The following SPSB3 variants were observed in gnomAD, a reference collection of about 807,000 sequenced individuals.
SPSB3 encodes the protein splA/ryanodine receptor domain and SOCS box containing 3.
A neutral mutation model predicts 29.5 loss-of-function variants in SPSB3; 18 were observed. The ratio of observed to expected loss-of-function variants is 0.61; its 90% CI spans 0.42 to 0.91. The LOEUF is 0.91. Among genes scored for constraint, SPSB3 ranks in the 40% least tolerant of loss-of-function variants. SPSB3 has a pLI of 0.00. For synonymous variants in SPSB3, 299 were observed against 214.1 expected (o/e 1.40, Z -3.46); for missense variants, 540 against 507.5 (o/e 1.06, Z -0.61).
In SPSB3 at chr16:1,776,985, G is replaced by T. The variant is rs549352571; in HGVS notation, c.*112C>A. 35 of 1,250,802 alleles carry T rather than the reference G, an allele frequency of 2.8e-5. No individual in the cohort carries two copies. In the Admixed American group the frequency reaches 7.6e-4, roughly 27 times the overall value. The allele number at this position is 1,250,802 out of a possible 1,614,324, so 77.5% of individuals were successfully genotyped here. A position where few individuals can be genotyped will look rare whatever the true frequency, so the allele number is the denominator to read the frequency against. The stretch of plus-strand genomic sequence containing the variant: ...GAGCAAGAGATGGCTCCCTCCGGAC[G>T]GGCCTCATCCAACTCCGCCCTGGAG... On this transcript the variant is annotated 3_prime_UTR_variant, in exon 7 of 7. Coordinates refer to ENST00000566339, the MANE Select transcript of SPSB3 (RefSeq NM_080861.4).
Position 1,777,891 on chromosome 16 carries a change from G to C in SPSB3, c.596-19C>G, listed in dbSNP as rs773344078. On this transcript the variant is annotated intron_variant, in intron 5 of 6. Transcript: ENST00000566339. Reference sequence around the variant, plus strand: ...AGGAGGCCTGGGGGCAGCCAGGGTCGCAGTGAGCCCGGGAGCTCCAGGCTC... The same window carrying C: ...AGGAGGCCTGGGGGCAGCCAGGGTCCCAGTGAGCCCGGGAGCTCCAGGCTC... 3.1e-5 allele frequency: 50 copies of C among 1,611,692 alleles called. 1 individual carries two copies. The highest frequency in any genetic ancestry group is 4.1e-5 in the Non-Finnish European group (48 of 1,179,624).
At position 1,777,320 on chromosome 16, in the gene SPSB3, C is replaced by T. The variant is rs1194485347; in HGVS notation, c.845G>A (p.Cys282Tyr). The change falls in exon 7 of 7, where the codon TGC (cysteine) becomes TAC (tyrosine). Residue 282 changes from cysteine to tyrosine, a missense_variant. By Grantham distance (194) the Cys-to-Tyr change is radical. Transcript: ENST00000566339. ...TGGCCGCAGCTGGCGCAGGCGGTGG[C>T]AGCACAGGTACTGGAGGGAAGTGGC... Reference protein sequence around the residue: ...ASATSLQYLCCHRLRQLRPDS... With the variant: ...ASATSLQYLCYHRLRQLRPDS... The T allele has an allele frequency of 6.2e-7, 1 of 1,609,648 alleles. No individual in the cohort carries two copies. The highest frequency in any genetic ancestry group is 8.5e-7 in the Non-Finnish European group (1 of 1,179,640).
chr16:1,778,857 C>T (rs963236882), intron 2 of SPSB3: 77 of 425,428 alleles, frequency 1.8e-4, no homozygotes, highest in Middle Eastern at 1.8e-3. Flanking sequence ...GCCAAGGCTG[C>T]CTGGCCTCCA....
chr16:1,778,784 G>A, intron 2 of SPSB3, 172 bp from the exon 3 acceptor site: 8 of 653,344 alleles, frequency 1.2e-5, no homozygotes, highest in Non-Finnish European at 1.7e-5. Flanking sequence ...CTCCCAACGG[G>A]CTCCGGCTCT....
chr16:1,780,012 G>C (rs567339071), intron 2 of SPSB3: 18 of 152,452 alleles, frequency 1.2e-4, no homozygotes, highest in African/African-American at 3.6e-4. Context: ...GGCTTAGGGA[G>C]TCCTCACTCA....
At chr16:1,781,916 G>C (rs1041356839) in intron 1 of SPSB3, 11 of 200,842 alleles carry the variant, frequency 5.5e-5, no homozygotes, top group Non-Finnish European at 1.0e-4. Context: ...CTCACGCCCG[G>C]CCCGACCGCC....
In SPSB3 at chr16:1,777,345, C is replaced by T. The variant is rs142379153; in HGVS notation, c.820G>A (p.Ala274Thr). ...SMKVTRSCAS[A>T]TSLQYLCCHR... is the part of the protein sequence containing the mutation. Reference sequence around the variant, plus strand: ...CAGCACAGGTACTGGAGGGAAGTGGCGCTGGCACAGGAGCGGGTGACCTTC... The same window carrying T: ...CAGCACAGGTACTGGAGGGAAGTGGTGCTGGCACAGGAGCGGGTGACCTTC... The change falls in exon 7 of 7, where the codon GCC becomes ACC. Residue 274 changes from alanine to threonine, a missense_variant. Transcript: ENST00000566339. The T allele has an allele frequency of 7.5e-6, 12 of 1,607,624 alleles. No individual in the cohort carries two copies. The highest frequency in any genetic ancestry group is 1.7e-5 in the Admixed American group (1 of 59,902).
rs768351257 is a variant in SPSB3 at position 1,778,438 on chromosome 16, C to T, written c.301G>A (p.Glu101Lys). 2.1e-5 allele frequency: 33 copies of T among 1,608,954 alleles called. No homozygotes were observed. Among genetic ancestry groups the T allele is most frequent in the Non-Finnish European group, 2.4e-5 (28 of 1,178,094 alleles). ...AGGGGCTGGGCCCCACGCTCACACT[C>T]GTCTTCCTCTCCGCAGCGGCAGTCC... ...GRDCRCGEED[E>K]YFDWVWDDLN... Residue 101 changes from glutamate (E) to lysine (K), a missense_variant, in exon 3 of 7, where the codon GAG becomes AAG. By Grantham distance (56) the Glu-to-Lys change is moderately conservative. Coordinates refer to ENST00000566339, the MANE Select transcript of SPSB3 (RefSeq NM_080861.4).
chr16:1,781,728 C>T (rs1363782537), intron 1 of SPSB3: 2 of 546,904 alleles, frequency 3.7e-6, no homozygotes, highest in East Asian at 3.1e-5. Flanking sequence ...CTCCGGAATG[C>T]GAATCCCAGC....
Position 1,777,490 on chromosome 16 carries a change from G to A in SPSB3, c.722-47C>T, listed in dbSNP as rs1437701045. On this transcript the variant is annotated intron_variant, in intron 6 of 6. Transcript: ENST00000566339. ...TGAACCCCAGGCAGGGAAGGGGCCA[G>A]CTACTGGGCGCAGCCCCTCAGACCT... is the stretch of plus-strand genomic sequence containing the variant. 3.5e-6 allele frequency: 5 copies of A among 1,446,578 alleles called. No homozygotes were observed. The Admixed American group carries it at 7.4e-5, about 21-fold the overall frequency. 89.6% of individuals were successfully genotyped at this position (1,446,578 alleles called of 1,614,324 possible).
intron 2 of SPSB3, chr16:1,780,812 A>G (rs1383571498): frequency 3.7e-6 from 1 of 269,110 alleles, no homozygotes; most frequent in Non-Finnish European, 7.3e-6. Flanking sequence ...GGCTCACTGC[A>G]GCCTTGACCT....
rs1416256645 is a variant in SPSB3 at position 1,778,352 on chromosome 16, T to A, written c.305-31A>T. On this transcript the variant is annotated intron_variant, in intron 3 of 6. Coordinates refer to ENST00000566339, the MANE Select transcript of SPSB3 (RefSeq NM_080861.4). ...AGAGAGGCCCAGGCTGGGGCAGCCCTGAGAGCTCCATGGGGCTCTGCCCTG... is the reference window on the plus strand; with the variant it reads ...AGAGAGGCCCAGGCTGGGGCAGCCCAGAGAGCTCCATGGGGCTCTGCCCTG... The A allele has an allele frequency of 1.9e-6, 3 of 1,610,930 alleles. No individual in the cohort carries two copies. In the African/African-American group the frequency reaches 4.0e-5, roughly 21 times the overall value.
Position 1,777,868 on chromosome 16 carries a change from G to A in SPSB3, c.600C>T (p.Leu200=), listed in dbSNP as rs371116210. ...EDSWGLSYTG[L]LHHKGDKTSF... ...TGGTCTTGTCGCCCTTGTGGTGGAGGAGGCCTGGGGGCAGCCAGGGTCGCA... is the reference window on the plus strand; with the variant it reads ...TGGTCTTGTCGCCCTTGTGGTGGAGAAGGCCTGGGGGCAGCCAGGGTCGCA... The change falls in exon 6 of 7, where the codon CTC becomes CTT. Residue 200 remains leucine, a synonymous_variant. Transcript: ENST00000566339. 2 of 1,612,446 alleles carry A rather than the reference G, an allele frequency of 1.2e-6. No individual in the cohort carries two copies. The highest frequency in any genetic ancestry group is 1.3e-5 in the African/African-American group (1 of 75,042).
At position 1,777,230 on chromosome 16, in the gene SPSB3, T is replaced by C. The variant is rs1294651032; in HGVS notation, c.935A>G (p.Lys312Arg). 2 of 1,610,654 alleles carry C rather than the reference T, an allele frequency of 1.2e-6. No individual in the cohort carries two copies. Among genetic ancestry groups the C allele is most frequent in the Admixed American group, 1.7e-5 (1 of 60,004 alleles). Residue 312 changes from lysine to arginine, a missense_variant, in exon 7 of 7, where the codon AAG (lysine) becomes AGG (arginine). Coordinates refer to ENST00000566339, the MANE Select transcript of SPSB3 (RefSeq NM_080861.4). ...ACTCATGCTCAGGACCCAGCCCAGC[T>C]TGTTGTGTAGCACCTGCTTGAGGCC... ...PPGLKQVLHN[K>R]LGWVLSMSCS...
chr16:1,778,450 C>T lies in SPSB3; in HGVS notation c.289G>A (p.Gly97Arg), dbSNP rs199857506. 21 of 1,610,192 alleles carry T rather than the reference C, an allele frequency of 1.3e-5. No homozygotes were observed. The highest frequency in any genetic ancestry group is 3.4e-4 in the Middle Eastern group (2 of 5,954). ...SAHRGRDCRC[G>R]EEDEYFDWVW... The stretch of plus-strand genomic sequence containing the variant: ...CCACGCTCACACTCGTCTTCCTCTC[C>T]GCAGCGGCAGTCCCTGCCCCGGTGG... The change falls in exon 3 of 7, where the codon GGA (glycine) becomes AGA (arginine). Residue 97 changes from glycine to arginine, a missense_variant. Transcript: ENST00000566339.
chr16:1,777,643 GA>G lies in SPSB3; in HGVS notation c.721+103del, dbSNP rs139170372. 1.5e-3 allele frequency: 2,284 copies of G among 1,541,346 alleles called. 3 individuals carry two copies. The highest frequency in any genetic ancestry group is 1.9e-3 in the Non-Finnish European group (2,204 of 1,142,650). On this transcript the variant is annotated intron_variant, in intron 6 of 6. Transcript: ENST00000566339. ...GGACCCTGGGGCCTCAGGCTTCTGGGAGGAACCCTTTCAGAAAACCTCAGTG... is the reference window on the plus strand; with the variant it reads ...GGACCCTGGGGCCTCAGGCTTCTGGGGGAACCCTTTCAGAAAACCTCAGTG...
rs369818441 is a variant in SPSB3, at chr16:1,778,429, G to C, written c.304+6C>G. 2 of 1,607,118 alleles carry C rather than the reference G, an allele frequency of 1.2e-6. No individual in the cohort carries two copies. Among genetic ancestry groups the C allele is most frequent in the South Asian group, 1.1e-5 (1 of 90,760 alleles). On this transcript the variant is annotated splice_donor_region_variant and intron_variant, in intron 3 of 6. Transcript: ENST00000566339. The stretch of plus-strand genomic sequence containing the variant: ...AGTCCCAGCAGGGGCTGGGCCCCAC[G>C]CTCACACTCGTCTTCCTCTCCGCAG...
At chr16:1,779,186 C>T (rs2042757958) in intron 2 of SPSB3, 1 of 152,726 alleles carries the variant, frequency 6.5e-6, no homozygotes, top group African/African-American at 2.4e-5. Context: ...ACCCCTGTTC[C>T]ATTTTTCTTC....
rs187361048 is a variant in SPSB3 at position 1,776,857 on chromosome 16, G to A, written c.*240C>T. The stretch of plus-strand genomic sequence containing the variant: ...GGGCTCCAGCCAGGCTCTCGTCCTC[G>A]CAGCCTCCCACAAGACCTGGGGCTC... On this transcript the variant is annotated 3_prime_UTR_variant, in exon 7 of 7. Transcript: ENST00000566339. The A allele has an allele frequency of 3.7e-3, 2,060 of 549,482 alleles. 5 individuals are homozygous for A. The highest frequency in any genetic ancestry group is 4.6e-3 in the Non-Finnish European group (1,441 of 313,586). The allele number at this position is 549,482 out of a possible 1,614,324, so 34.0% of individuals were successfully genotyped here. A position where few individuals can be genotyped will look rare whatever the true frequency, so the allele number is the denominator to read the frequency against.
Sources: allele counts gnomAD v4.1 joint callset, GRCh38; gene constraint gnomAD v4.1.1; transcripts MANE v1.5; gene names NCBI Gene and HGNC (gene_info 2026-07-23, HGNC 2026-07-21).